The following CLUAP1 variants were observed in gnomAD, a reference collection of about 807,000 sequenced individuals.
CLUAP1 encodes intraflagellar transport 38.
A neutral mutation model predicts 55.0 loss-of-function variants in CLUAP1; 50 were observed. The ratio of observed to expected loss-of-function variants is 0.91; its 90% confidence interval spans 0.72 to 1.15. The LOEUF is 1.15. Among genes scored for constraint, CLUAP1 ranks in the 50% most tolerant of loss-of-function variants. The probability of loss-of-function intolerance (pLI) is 0.00; values close to 1 mark genes in which losing one functional copy is unlikely to be tolerated. For synonymous variants in CLUAP1, 195 were observed against 175.4 expected (o/e 1.11, Z -0.88); for missense variants, 530 against 507.6 (o/e 1.04, Z -0.42).
At chr16:3,497,892 A>G (rs2151034880), upstream of CLUAP1, among the ~76,000 whole-genome samples, 1 of 152,222 alleles carries the variant, frequency 6.6e-6, no homozygotes, top group Middle Eastern at 3.4e-3. Flanking sequence ...CCTGGGCTCA[A>G]GTGATCCTCC....
chr16:3,505,064 CCT>C (rs1330794983), intron 2 of CLUAP1, among the ~76,000 whole-genome samples: 1 of 152,228 alleles, frequency 6.6e-6, no homozygotes, highest in East Asian at 1.9e-4. Flanking sequence ...ATAGCAAGAC[CCT>C]GTCTCCATAC....
At chr16:3,529,470 T>TA (rs1367180688) in intron 9 of CLUAP1, among the ~76,000 whole-genome samples, 4 of 72,164 alleles carry the variant, frequency 5.5e-5, no homozygotes, top group African/African-American at 2.3e-4. Context: ...ATAATATATA[T>TA]TATATTATAT....
At chr16:3,529,184 C>A (rs560599775) in intron 9 of CLUAP1, among the ~76,000 whole-genome samples, 2 of 151,454 alleles carry the variant, frequency 1.3e-5, no homozygotes. Flanking sequence ...AAATACCTAA[C>A]ATAATGCCTA....
At chr16:3,497,690 C>T (rs774352711), upstream of CLUAP1, among the ~76,000 whole-genome samples, 2 of 152,170 alleles carry the variant, frequency 1.3e-5, no homozygotes, top group Non-Finnish European at 2.9e-5. Context: ...GTGACATGAT[C>T]ACGGCTCACT....
At chr16:3,517,747 A>T (rs559500352) in intron 6 of CLUAP1, among the ~76,000 whole-genome samples, 1 of 152,334 alleles carries the variant, frequency 6.6e-6, no homozygotes, top group African/African-American at 2.4e-5. Context: ...GCCTGGTAGG[A>T]TGCAGTCACT....
At chr16:3,529,779 AT>A (rs2038066062) in intron 9 of CLUAP1, among the ~76,000 whole-genome samples, 3 of 57,010 alleles carry the variant, frequency 5.3e-5, no homozygotes, top group African/African-American at 7.6e-5. Context: ...ATTATTATAT[AT>A]TATATAATAT....
In CLUAP1 at chr16:3,533,028, CT is replaced by C; in HGVS notation, c.1092+191del. ...TTCGTTGCTCGTGGATGGCTCATCT[CT>C]TTTCAAGTGAATGTGCTTGCTCTGC... is the stretch of plus-strand genomic sequence containing the variant. On this transcript the variant is annotated intron_variant, in intron 11 of 11. Coordinates refer to ENST00000576634, the MANE Select transcript of CLUAP1 (RefSeq NM_015041.3). The C allele has an allele frequency of 2.1e-6, 3 of 1,444,600 alleles. No individual in the cohort carries two copies. In the Admixed American group the frequency reaches 5.9e-5, roughly 28 times the overall value. The allele number at this position is 1,444,600 out of a possible 1,614,324, so 89.5% of individuals were successfully genotyped here. A position where few individuals can be genotyped will look rare whatever the true frequency, so the allele number is the denominator to read the frequency against.
At position 3,506,331 on chromosome 16, in the gene CLUAP1, A is replaced by G. The variant is rs2037505504; in HGVS notation, c.135A>G (p.Arg45=). The G allele has an allele frequency of 1.9e-6, 3 of 1,613,258 alleles. No homozygotes were observed. Among genetic ancestry groups the G allele is most frequent in the Non-Finnish European group, 2.5e-6 (3 of 1,179,274 alleles). ...TCTCTCCTCTTACCTCTCTTGATAG[A>G]TATGAGCCCCAGACTGACATCCCGC... ...VSEVLLWLVK[R]YEPQTDIPPD... The change falls in exon 3 of 12, where the codon AGA becomes AGG. Residue 45 remains arginine (R), a splice_region_variant and synonymous_variant. Coordinates refer to ENST00000576634, the MANE Select transcript of CLUAP1 (RefSeq NM_015041.3).
In CLUAP1 at chr16:3,536,544, G is replaced by A. The variant is rs187831962; in HGVS notation, c.*273G>A. Reference sequence around the variant, plus strand: ...TGTGTTCTTAGTGATTCACATCCACGGGACAAAAACTCAAGAAGAAATAAG... The same window carrying A: ...TGTGTTCTTAGTGATTCACATCCACAGGACAAAAACTCAAGAAGAAATAAG... On this transcript the variant is annotated 3_prime_UTR_variant, in exon 12 of 12. Transcript: ENST00000576634. The A allele has an allele frequency of 8.2e-4, 230 of 281,770 alleles. 1 individual carries two copies. The highest frequency in any genetic ancestry group is 1.7e-3 in the Admixed American group (35 of 21,112). The allele number at this position is 281,770 out of a possible 1,614,324, so 17.5% of individuals were successfully genotyped here.
In CLUAP1 at chr16:3,501,042, C is replaced by T. The variant is rs1228012309; in HGVS notation, c.-26C>T. 6 of 1,597,192 alleles carry T rather than the reference C, an allele frequency of 3.8e-6. No individual in the cohort carries two copies. Among genetic ancestry groups the T allele is most frequent in the Non-Finnish European group, 5.1e-6 (6 of 1,174,912 alleles). On this transcript the variant is annotated 5_prime_UTR_variant, in exon 1 of 12. Transcript: ENST00000576634. ...TCGCTGAGGGGCGAGCAGTTGCGAC[C>T]CTGGGCTCCTGGGGACCTGAGCGTT... is the stretch of plus-strand genomic sequence containing the variant.
rs978657561 is a variant in CLUAP1 at position 3,536,055 on chromosome 16, A to G, written c.1093-67A>G. On this transcript the variant is annotated intron_variant, in intron 11 of 11. Transcript: ENST00000576634. ...TGCTGCTATAGAAAGGGAGGCAGAGAGTCTTAGGACAAGATGTCAGGAATG... is the reference window on the plus strand; with the variant it reads ...TGCTGCTATAGAAAGGGAGGCAGAGGGTCTTAGGACAAGATGTCAGGAATG... 6 of 1,564,944 alleles carry G rather than the reference A, an allele frequency of 3.8e-6. No homozygotes were observed. The South Asian group carries it at 5.9e-5, about 15-fold the overall frequency.
intron 9 of CLUAP1, among the ~76,000 whole-genome samples, chr16:3,526,948 G>C (rs1405502602): frequency 6.6e-6 from 1 of 152,200 alleles, no homozygotes; most frequent in Non-Finnish European, 1.5e-5. Context: ...CAGGGAGAGG[G>C]GCCGCTCGCT....
chr16:3,538,906 C>G lies in CLUAP1; in HGVS notation c.*2635C>G, dbSNP rs771714159. On this transcript the variant is annotated 3_prime_UTR_variant, in exon 12 of 12. Transcript: ENST00000576634. ...CAGCAGAGCAGACCTCAGGACCTAA[C>G]GAGGATGGTTGTGATTAGGTCAAAT... The G allele has an allele frequency of 6.6e-6, 1 of 152,022 alleles. No homozygotes were observed. The highest frequency in any genetic ancestry group is 2.4e-5 in the African/African-American group (1 of 41,354). The allele number at this position is 152,022 out of a possible 1,614,324, so 9.4% of individuals were successfully genotyped here.
At chr16:3,508,936 G>GC in intron 4 of CLUAP1, among the ~76,000 whole-genome samples, 2 of 140,662 alleles carry the variant, frequency 1.4e-5, no homozygotes, top group African/African-American at 5.8e-5. Flanking sequence ...TGCGGGTGGC[G>GC]GGTGGCGTCA....
At chr16:3,516,667 T>G (rs2037735009) in intron 6 of CLUAP1, among the ~76,000 whole-genome samples, 1 of 152,234 alleles carries the variant, frequency 6.6e-6, no homozygotes, top group Non-Finnish European at 1.5e-5. Flanking sequence ...TTGATATACA[T>G]GTATGCACAT....
chr16:3,517,612 C>G (rs115229367), intron 6 of CLUAP1, among the ~76,000 whole-genome samples: 2 of 152,138 alleles, frequency 1.3e-5, no homozygotes, highest in Middle Eastern at 3.4e-3. Context: ...GTGCCTGGCC[C>G]GCAGAGTACT....
chr16:3,520,133 G>A, intron 7 of CLUAP1, 97 bp downstream of exon 7: 1 of 1,262,278 alleles, frequency 7.9e-7, no homozygotes, highest in Admixed American at 2.3e-5. Flanking sequence ...AGCTACTCAT[G>A]AAGCTGGGGC....
upstream of CLUAP1, among the ~76,000 whole-genome samples, chr16:3,497,686 T>A (rs2037328431): frequency 6.6e-6 from 1 of 152,206 alleles, no homozygotes; most frequent in East Asian, 1.9e-4. Flanking sequence ...TACAGTGACA[T>A]GATCACGGCT....
rs373121944 is a variant in CLUAP1, at chr16:3,530,682, C to T, written c.1036+7C>T. The T allele has an allele frequency of 1.5e-5, 24 of 1,610,578 alleles. No homozygotes were observed. Among genetic ancestry groups the T allele is most frequent in the Middle Eastern group, 1.7e-4 (1 of 6,044 alleles). On this transcript the variant is annotated splice_region_variant and intron_variant, in intron 10 of 11. Coordinates refer to ENST00000576634, the MANE Select transcript of CLUAP1 (RefSeq NM_015041.3). ...ATGGAGATGCTCATGCAAGGTACCCCGGCGTCTTTCGCTGGACTTCCTCCC... is the reference window on the plus strand; with the variant it reads ...ATGGAGATGCTCATGCAAGGTACCCTGGCGTCTTTCGCTGGACTTCCTCCC...
Sources: gnomAD v4.1 joint callset for allele counts (sites outside exome capture counted in the v4.1 genomes callset) on GRCh38, gnomAD v4.1.1 for gene constraint, MANE v1.5 for transcripts, NCBI Gene and HGNC (gene_info 2026-07-23, HGNC 2026-07-21) for gene names.